The following RIMS2 variants were observed in gnomAD, a reference collection of about 807,000 sequenced individuals.
RIMS2 encodes regulating synaptic membrane exocytosis protein 2.
RIMS2 carries 59 observed loss-of-function variants against 174.4 expected under a neutral mutation model. That is an observed-to-expected ratio of 0.34 (90% CI 0.27 to 0.42). The LOEUF is 0.42. Among genes scored for constraint, RIMS2 ranks in the 10% least tolerant of loss-of-function variants. The probability of loss-of-function intolerance (pLI) is 1.00; values close to 1 mark genes in which losing one functional copy is unlikely to be tolerated. For synonymous variants in RIMS2, 606 were observed against 572.5 expected (o/e 1.06, Z -0.84); for missense variants, 1,620 against 1,666.3 (o/e 0.97, Z 0.48).
chr8:104,187,741 T>C (rs2098975711), intron 19 of RIMS2, among the ~76,000 whole-genome samples: 3 of 151,836 alleles, frequency 2.0e-5, no homozygotes, highest in Admixed American at 2.0e-4. Flanking sequence ...TTAGATACAT[T>C]GTTTACTGTT....
At chr8:104,014,520 C>G in exon 19 of RIMS2, 1 of 1,606,036 alleles carries the variant, frequency 6.2e-7, no homozygotes, top group East Asian at 2.2e-5. Flanking sequence ...CATCCTCGTA[C>G]TGGGTCTGTC....
At chr8:104,238,166 G>A (rs2099268471) in intron 19 of RIMS2, among the ~76,000 whole-genome samples, 1 of 152,086 alleles carries the variant, frequency 6.6e-6, no homozygotes, top group Non-Finnish European at 1.5e-5. Context: ...GGATGAAGCT[G>A]GAAGCCATTA....
intron 19 of RIMS2, among the ~76,000 whole-genome samples, chr8:104,137,610 A>T (rs2098531958): frequency 6.6e-6 from 1 of 152,206 alleles, no homozygotes; most frequent in African/African-American, 2.4e-5. Context: ...AAAGGTATAT[A>T]ATCAATAGAA....
At chr8:103,636,804 AC>A (rs2096094634) in intron 1 of RIMS2, among the ~76,000 whole-genome samples, 1 of 11,126 alleles carries the variant, frequency 9.0e-5, no homozygotes, top group Non-Finnish European at 2.1e-4. Context: ...CCCCCCCCAC[AC>A]ACACACACAT....
chr8:103,982,777 G>C (rs1565668349), intron 16 of RIMS2, among the ~76,000 whole-genome samples: 2 of 152,086 alleles, frequency 1.3e-5, no homozygotes, highest in African/African-American at 2.4e-5. Context: ...ATATACAACA[G>C]ACTCACAGCT....
intron 2 of RIMS2, among the ~76,000 whole-genome samples, chr8:103,699,436 C>G (rs998228252): frequency 2.6e-5 from 4 of 152,070 alleles, no homozygotes; most frequent in Admixed American, 6.6e-5. Context: ...TGCTGTGTTG[C>G]CCAGGCTGAT....
At chr8:104,229,062 C>A (rs958284043) in intron 19 of RIMS2, among the ~76,000 whole-genome samples, 1 of 152,116 alleles carries the variant, frequency 6.6e-6, no homozygotes, top group Non-Finnish European at 1.5e-5. Flanking sequence ...GGAAAAAACC[C>A]TTTAATATAA....
chr8:103,616,810 A>T (rs1327449805), intron 1 of RIMS2, among the ~76,000 whole-genome samples: 1 of 152,164 alleles, frequency 6.6e-6, no homozygotes, highest in African/African-American at 2.4e-5. Flanking sequence ...GAATACAGAT[A>T]ACTAGGGAGG....
intron 19 of RIMS2, among the ~76,000 whole-genome samples, chr8:104,141,467 A>G (rs2133581648): frequency 6.6e-6 from 1 of 152,326 alleles, no homozygotes; most frequent in South Asian, 2.1e-4. Flanking sequence ...TGATCTCTCC[A>G]AAATGCCCTT....
intron 14 of RIMS2, among the ~76,000 whole-genome samples, chr8:103,943,771 G>A (rs1042236441): frequency 2.0e-5 from 3 of 152,094 alleles, no homozygotes; most frequent in Non-Finnish European, 1.5e-5. Context: ...TAGTATTCAT[G>A]GGGTAGTTAT....
At chr8:103,874,809 G>T (rs1041370590) in intron 3 of RIMS2, among the ~76,000 whole-genome samples, 2 of 151,898 alleles carry the variant, frequency 1.3e-5, no homozygotes, top group African/African-American at 2.4e-5. Flanking sequence ...GTTTAAAAAA[G>T]AACACCATGT....
chr8:104,159,685 G>C (rs748982971), intron 19 of RIMS2, among the ~76,000 whole-genome samples: 3 of 152,142 alleles, frequency 2.0e-5, no homozygotes, highest in Non-Finnish European at 4.4e-5. Flanking sequence ...TAGTGGTATT[G>C]AGCATCTTTT....
rs535519376 is a variant in RIMS2, at chr8:103,816,884, A to G, written c.698+50347A>G. On this transcript the variant is annotated intron_variant, in intron 3 of 23. Transcript: ENST00000504942. ...TTCTATGACTTAGTCTTCATATCCA[A>G]TTTTGAAATATAAAAGAAACCTTTT... 1.2e-4 allele frequency among the ~76,000 whole-genome samples: 19 copies of G among 152,320 alleles called. 2 individuals are homozygous for G. Among genetic ancestry groups the G allele is most frequent in the Admixed American group, 1.1e-3 (17 of 15,302 alleles).
intron 3 of RIMS2, among the ~76,000 whole-genome samples, chr8:103,788,625 C>A (rs866671143): frequency 2.0e-5 from 3 of 152,004 alleles, no homozygotes; most frequent in African/African-American, 7.2e-5. Flanking sequence ...ACAGTTTGCC[C>A]GTTCTCAGAT....
At chr8:103,748,164 G>C (rs1212662841) in intron 2 of RIMS2, among the ~76,000 whole-genome samples, 2 of 151,984 alleles carry the variant, frequency 1.3e-5, no homozygotes, top group African/African-American at 4.8e-5. Context: ...AGAATTAGCG[G>C]GGTGTGGTGG....
Position 103,886,238 on chromosome 8 carries a change from C to G in RIMS2, c.1624+15C>G. The G allele has an allele frequency of 6.3e-7, 1 of 1,586,262 alleles. No homozygotes were observed. Among genetic ancestry groups the G allele is most frequent in the Non-Finnish European group, 8.6e-7 (1 of 1,168,252 alleles). On this transcript the variant is annotated intron_variant, in intron 4 of 23. Transcript: ENST00000504942. The stretch of plus-strand genomic sequence containing the variant: ...AAGTGAAAAAGGTAAGCTTTCTAAT[C>G]ATACATTTTGCTGTAATTGATTAGA...
At chr8:104,185,701 C>T (rs541387611) in intron 19 of RIMS2, among the ~76,000 whole-genome samples, 1 of 151,558 alleles carries the variant, frequency 6.6e-6, no homozygotes, top group East Asian at 1.9e-4. Context: ...ATATTATATA[C>T]ACCAGTCAGA....
At chr8:104,071,731 C>T (rs895494987) in intron 19 of RIMS2, among the ~76,000 whole-genome samples, 6 of 152,002 alleles carry the variant, frequency 3.9e-5, no homozygotes, top group East Asian at 3.9e-4. Flanking sequence ...CCACCACGCC[C>T]GGCCGGGTCC....
intron 1 of RIMS2, among the ~76,000 whole-genome samples, chr8:103,519,021 C>T (rs989623403): frequency 6.6e-6 from 1 of 151,972 alleles, no homozygotes; most frequent in Non-Finnish European, 1.5e-5. Flanking sequence ...CCTTCACAGC[C>T]CCTCTCCAAC....
Sources: allele counts gnomAD v4.1 joint callset (sites outside exome capture counted in the v4.1 genomes callset), GRCh38; gene constraint gnomAD v4.1.1; transcripts MANE v1.5; gene names NCBI Gene and HGNC (gene_info 2026-07-23, HGNC 2026-07-21).